Variants in MAGI3 observed in about 807,000 individuals in gnomAD.
MAGI3 encodes the protein membrane-associated guanylate kinase, WW and PDZ domain-containing protein 3.
A neutral mutation model predicts 121.8 loss-of-function variants in MAGI3; 43 were observed. The observed-to-expected ratio is 0.35, with a 90% CI of 0.28 to 0.46. The LOEUF (loss-of-function observed/expected upper bound fraction) is 0.46. Among genes scored for constraint, MAGI3 ranks in the 20% least tolerant of loss-of-function variants. MAGI3 has a pLI of 1.00. For synonymous variants in MAGI3, 553 were observed against 639.3 expected (o/e 0.86, Z 2.04); for missense variants, 1,547 against 1,797.3 (o/e 0.86, Z 2.52).
chr1:113,441,712 T>C (rs1557759101), intron 1 of MAGI3, among the ~76,000 whole-genome samples: 2 of 152,150 alleles, frequency 1.3e-5, no homozygotes, highest in Non-Finnish European at 1.5e-5. Context: ...TCATCCCCAG[T>C]AAAAAGGCAG....
chr1:113,485,275 C>T (rs768902687), intron 1 of MAGI3, among the ~76,000 whole-genome samples: 17 of 152,186 alleles, frequency 1.1e-4, no homozygotes, highest in Non-Finnish European at 2.2e-4. Context: ...TTCCCACCAA[C>T]AATGTAAAAG....
At chr1:113,529,743 T>C (rs1300389601) in intron 1 of MAGI3, among the ~76,000 whole-genome samples, 3 of 152,156 alleles carry the variant, frequency 2.0e-5, no homozygotes, top group Non-Finnish European at 4.4e-5. Context: ...TTTTCAAAAA[T>C]AACCATGAAA....
intron 2 of MAGI3, among the ~76,000 whole-genome samples, chr1:113,556,982 T>C (rs1300247806): frequency 6.6e-6 from 1 of 152,232 alleles, no homozygotes; most frequent in African/African-American, 2.4e-5. Context: ...ATAGGTGAGC[T>C]GAAAAATCCT....
At chr1:113,416,294 G>GTAATTAATTATA in intron 1 of MAGI3, among the ~76,000 whole-genome samples, 1 of 79,098 alleles carries the variant, frequency 1.3e-5, no homozygotes, top group Non-Finnish European at 2.6e-5. Context: ...TATTAATTAT[G>GTAATTAATTATA]TAATTAATTA....
intron 6 of MAGI3, among the ~76,000 whole-genome samples, chr1:113,605,061 C>G (rs1476839465): frequency 6.6e-6 from 1 of 151,436 alleles, no homozygotes; most frequent in Non-Finnish European, 1.5e-5. Flanking sequence ...GATTTTAGAG[C>G]AACTAGCATT....
chr1:113,541,963 C>G (rs1659307375), intron 1 of MAGI3, among the ~76,000 whole-genome samples: 1 of 152,302 alleles, frequency 6.6e-6, no homozygotes, highest in African/African-American at 2.4e-5. Context: ...GTTTCCTCTA[C>G]CAACATTTCC....
At chr1:113,443,465 C>G (rs143945090) in intron 1 of MAGI3, among the ~76,000 whole-genome samples, 1 of 152,056 alleles carries the variant, frequency 6.6e-6, no homozygotes, top group Non-Finnish European at 1.5e-5. Flanking sequence ...AATTAGCAGA[C>G]GACTCCTCAT....
chr1:113,428,291 T>C (rs566904506), intron 1 of MAGI3, among the ~76,000 whole-genome samples: 12 of 152,370 alleles, frequency 7.9e-5, no homozygotes, highest in African/African-American at 2.6e-4. Flanking sequence ...ATACACAGTC[T>C]ATCTGGAATT....
At chr1:113,550,687 C>T (rs890358976) in intron 2 of MAGI3, among the ~76,000 whole-genome samples, 14 of 147,800 alleles carry the variant, frequency 9.5e-5, no homozygotes, top group African/African-American at 3.3e-4. Context: ...ACCTAGGAGG[C>T]GGAGATTGCA....
intron 1 of MAGI3, among the ~76,000 whole-genome samples, chr1:113,494,991 A>C (rs1336204028): frequency 6.6e-6 from 1 of 152,204 alleles, no homozygotes; most frequent in Non-Finnish European, 1.5e-5. Context: ...AAACCAAAAC[A>C]TACATTTATG....
intron 17 of MAGI3, 49 bp from the exon 18 acceptor site, chr1:113,672,566 T>G: frequency 6.3e-7 from 1 of 1,576,042 alleles, no homozygotes; most frequent in Non-Finnish European, 8.6e-7. Flanking sequence ...CTTTAGACTG[T>G]TTTTCATTTT....
chr1:113,422,706 GA>G lies in MAGI3; in HGVS notation c.316+31360del, dbSNP rs1343986953. 5.3e-5 allele frequency among the ~76,000 whole-genome samples: 8 copies of G among 152,228 alleles called. No homozygotes were observed. The highest frequency in any genetic ancestry group is 4.4e-5 in the Non-Finnish European group (3 of 68,042). ...TGGATAAGGGAACGTGGTGGCGCCT[GA>G]AAGCTGAGAGATACCAGGAACAGCA... On this transcript the variant is annotated intron_variant, in intron 1 of 20. Coordinates refer to ENST00000307546, the MANE Select transcript of MAGI3 (RefSeq NM_001142782.2). This position sits in a 1 kb window ranked among gnomAD's most constrained non-coding sequence, Gnocchi z 4.3.
Position 113,391,356 on chromosome 1 carries a change from C to CG in MAGI3, c.316+9dup, listed in dbSNP as rs1650802596. 4 of 1,584,556 alleles carry CG rather than the reference C, an allele frequency of 2.5e-6. No homozygotes were observed. Among genetic ancestry groups the CG allele is most frequent in the Non-Finnish European group, 3.4e-6 (4 of 1,166,372 alleles). On this transcript the variant is annotated splice_region_variant and intron_variant, in intron 1 of 20. Coordinates refer to ENST00000307546, the MANE Select transcript of MAGI3 (RefSeq NM_001142782.2). This position sits in a 1 kb window ranked among gnomAD's most constrained non-coding sequence, Gnocchi z 4.4. ...CTCAAGACTGTGAAACCAGGTACGC[C>CG]GGCCCTGCGTATCTGTCTCGGGGTG...
intron 1 of MAGI3, among the ~76,000 whole-genome samples, chr1:113,472,609 A>G (rs1655594543): frequency 6.7e-6 from 1 of 149,904 alleles, no homozygotes; most frequent in Non-Finnish European, 1.5e-5. Context: ...TTTTTTTTTA[A>G]TAATGATATG....
intron 1 of MAGI3, among the ~76,000 whole-genome samples, chr1:113,491,024 T>C (rs1656643510): frequency 6.6e-6 from 1 of 152,120 alleles, no homozygotes; most frequent in East Asian, 1.9e-4. Flanking sequence ...CAGGATCAAA[T>C]GGACCTGATC....
At chr1:113,653,631 A>C (rs1004923159) in intron 14 of MAGI3, among the ~76,000 whole-genome samples, 199 bp from the exon 15 acceptor site, 8 of 152,008 alleles carry the variant, frequency 5.3e-5, no homozygotes, top group Non-Finnish European at 4.4e-5. Context: ...ATCCACTCTG[A>C]GTATTTGGGA....
chr1:113,424,939 G>A (rs973911678), intron 1 of MAGI3, among the ~76,000 whole-genome samples: 7 of 151,946 alleles, frequency 4.6e-5, no homozygotes, highest in African/African-American at 1.5e-4. Context: ...TTTAAGACCA[G>A]CCTGACCAAC....
intron 13 of MAGI3, 134 bp from the exon 14 acceptor site, chr1:113,650,880 C>G: frequency 2.7e-6 from 2 of 748,110 alleles, no homozygotes; most frequent in Middle Eastern, 3.7e-4. Flanking sequence ...CAGATAATAC[C>G]TTTCTAAAAT....
intron 3 of MAGI3, among the ~76,000 whole-genome samples, chr1:113,584,886 T>C (rs1165251998): frequency 6.6e-6 from 1 of 151,948 alleles, no homozygotes; most frequent in Non-Finnish European, 1.5e-5. Flanking sequence ...AATTAGTTCT[T>C]TCCCCTATTT....
Sources: gnomAD v4.1 joint callset for allele counts (sites outside exome capture counted in the v4.1 genomes callset) on GRCh38, gnomAD v4.1.1 for gene constraint, Gnocchi (gnomAD v3.1) non-coding constraint, MANE v1.5 for transcripts, NCBI Gene and HGNC (gene_info 2026-07-23, HGNC 2026-07-21) for gene names.